NSD2: variants seen among roughly 807,000 people sequenced by gnomAD.
NSD2 encodes histone-lysine N-methyltransferase NSD2.
NSD2 carries 12 observed loss-of-function variants against 139.0 expected under a neutral mutation model. The ratio of observed to expected loss-of-function variants is 0.09; its 90% CI spans 0.06 to 0.14. The LOEUF (loss-of-function observed/expected upper bound fraction) is 0.14, where lower values mean the gene tolerates loss of function less well. Ranked by LOEUF, NSD2 falls within the 10% of genes least tolerant of loss-of-function variation. The pLI, the probability that NSD2 is intolerant of heterozygous loss-of-function variation, is 1.00. For synonymous variants in NSD2, 669 were observed against 648.7 expected, an observed-to-expected ratio of 1.03 and a Z score of -0.48; for missense variants, 1,155 against 1,745.0, an observed-to-expected ratio of 0.66 and a Z score of 6.02.
chr4:1,933,535 G>A (rs1411294266), intron 6 of NSD2, among the ~76,000 whole-genome samples: 1 of 151,810 alleles, frequency 6.6e-6, no homozygotes, highest in Non-Finnish European at 1.5e-5. Context: ...GACTACAGGC[G>A]CCCGCCACCA....
At chr4:1,884,296 A>G (rs910884998) in intron 1 of NSD2, among the ~76,000 whole-genome samples, 8 of 152,026 alleles carry the variant, frequency 5.3e-5, no homozygotes, top group African/African-American at 1.7e-4. Flanking sequence ...GGATTTTGCC[A>G]TGTTGCCCAG....
intron 3 of NSD2, among the ~76,000 whole-genome samples, chr4:1,915,708 G>T (rs182523593): frequency 6.6e-6 from 1 of 152,218 alleles, no homozygotes; most frequent in East Asian, 1.9e-4. Flanking sequence ...TGCATTAGAG[G>T]GTCTGATTGG....
At position 1,973,993 on chromosome 4, in the gene NSD2, G is replaced by A. The variant is rs572852405; in HGVS notation, c.3373-870G>A. The stretch of plus-strand genomic sequence containing the variant: ...GAGTGGGTCAGTTCTAGGCCACATC[G>A]TGCTTGCATTTGTGATTCCCGTGGC... On this transcript the variant is annotated intron_variant, in intron 18 of 21. Transcript: ENST00000508803. The surrounding 1 kb of genome is among the most constrained non-coding windows in gnomAD (Gnocchi z 5.5). Among the ~76,000 whole-genome samples the A allele has an allele frequency of 4.6e-4, 70 of 152,194 alleles. No individual in the cohort carries two copies. The highest frequency in any genetic ancestry group is 1.6e-3 in the African/African-American group (67 of 41,524).
intron 1 of NSD2, among the ~76,000 whole-genome samples, chr4:1,872,171 C>T (rs1246470853): frequency 6.6e-6 from 1 of 152,046 alleles, no homozygotes; most frequent in Non-Finnish European, 1.5e-5. Flanking sequence ...AGCCGGGCCG[C>T]GGTCCGGCCC....
At chr4:1,925,686 A>G (rs1307819705) in intron 5 of NSD2, among the ~76,000 whole-genome samples, 1 of 151,732 alleles carries the variant, frequency 6.6e-6, no homozygotes, top group African/African-American at 2.4e-5. Flanking sequence ...GGCCTGAGCC[A>G]CTGCACCCAG....
At chr4:1,954,365 C>T (rs970669734) in intron 12 of NSD2, among the ~76,000 whole-genome samples, 3 of 151,894 alleles carry the variant, frequency 2.0e-5, no homozygotes, top group African/African-American at 4.8e-5. Context: ...CTGCTCTGAC[C>T]TCTTTTCTTT....
rs149921616 is a variant in NSD2, at chr4:1,897,493, GA to G, written c.-29-3123del. ...GTGGTAGTGAGACCCTGTCTCAAGG[GA>G]AAAAAAAAATTGTTTGGCAGGGTAC... On this transcript the variant is annotated intron_variant, in intron 1 of 21. Coordinates refer to ENST00000508803, the MANE Select transcript of NSD2 (RefSeq NM_001042424.3). 4.0e-5 allele frequency among the ~76,000 whole-genome samples: 6 copies of G among 149,632 alleles called. 1 individual carries two copies. The highest frequency in any genetic ancestry group is 1.3e-4 in the Admixed American group (2 of 14,998).
At chr4:1,917,720 A>G (rs1242601261) in intron 4 of NSD2, among the ~76,000 whole-genome samples, 5 of 152,030 alleles carry the variant, frequency 3.3e-5, no homozygotes, top group Admixed American at 3.3e-4. Context: ...TACAGGTGGG[A>G]ACCACCACGC....
At chr4:1,925,475 T>C (rs1720768360) in intron 5 of NSD2, among the ~76,000 whole-genome samples, 1 of 133,998 alleles carries the variant, frequency 7.5e-6, no homozygotes, top group African/African-American at 2.8e-5. Context: ...CTCGGCCCAC[T>C]GCAACCTCCT....
At chr4:1,888,990 C>A (rs1336413423) in intron 1 of NSD2, among the ~76,000 whole-genome samples, 1 of 150,486 alleles carries the variant, frequency 6.6e-6, no homozygotes, top group South Asian at 2.1e-4. Flanking sequence ...CTCCACCTCC[C>A]GGGTTCAAGT....
In NSD2 at chr4:1,972,854, AT is replaced by A. The variant is rs1164391430; in HGVS notation, c.3373-2000del. 2.6e-5 allele frequency among the ~76,000 whole-genome samples: 4 copies of A among 151,362 alleles called. 1 individual carries two copies. In the East Asian group the frequency reaches 7.7e-4, roughly 29 times the overall value. On this transcript the variant is annotated intron_variant, in intron 18 of 21. Transcript: ENST00000508803. This position sits in a 1 kb window ranked among gnomAD's most constrained non-coding sequence, Gnocchi z 4.0. ...GAAGCTATGGGAAAGTTTTTGACACATTTTTTTTTCTTTTTGGAGACGGAGT... is the reference window on the plus strand; with the variant it reads ...GAAGCTATGGGAAAGTTTTTGACACATTTTTTTTCTTTTTGGAGACGGAGT...
chr4:1,975,343 A>G lies in NSD2; in HGVS notation c.3564A>G (p.Lys1188=). The G allele has an allele frequency of 6.2e-7, 1 of 1,614,122 alleles. No homozygotes were observed. Among genetic ancestry groups the G allele is most frequent in the Middle Eastern group, 1.6e-4 (1 of 6,062 alleles). ...NYNLDCLGNE[K]TVCRCGASNC... is the part of the protein sequence containing the mutation. The stretch of plus-strand genomic sequence containing the variant: ...ACCTCGATTGTCTGGGCAATGAAAA[A>G]ACGGTCTGCCGGTGTGGAGCCTCCA... The change falls in exon 20 of 22, where the codon AAA becomes AAG. Residue 1188 remains lysine, a synonymous_variant. Coordinates refer to ENST00000508803, the MANE Select transcript of NSD2 (RefSeq NM_001042424.3).
intron 3 of NSD2, among the ~76,000 whole-genome samples, chr4:1,913,599 CCT>C (rs371694770): frequency 4.7e-5 from 7 of 150,034 alleles, no homozygotes; most frequent in African/African-American, 9.8e-5. Flanking sequence ...TAAGCTGTCC[CCT>C]CTCTCTCTCT....
chr4:1,955,411 A>C lies in NSD2; in HGVS notation c.2518+71A>C. ...AGGAGCCACATATCAAGGCAGGCTCATTCCTTGTCTGCGCTGTGTTCATTG... is the reference window on the plus strand; with the variant it reads ...AGGAGCCACATATCAAGGCAGGCTCCTTCCTTGTCTGCGCTGTGTTCATTG... On this transcript the variant is annotated intron_variant, in intron 13 of 21. Coordinates refer to ENST00000508803, the MANE Select transcript of NSD2 (RefSeq NM_001042424.3). This position sits in a 1 kb window ranked among gnomAD's most constrained non-coding sequence, Gnocchi z 4.7. 1,050 of 1,514,888 alleles carry C rather than the reference A, an allele frequency of 6.9e-4. No homozygotes were observed. The highest frequency in any genetic ancestry group is 8.6e-4 in the Non-Finnish European group (971 of 1,124,554). The allele number at this position is 1,514,888 out of a possible 1,614,324, so 93.8% of individuals were successfully genotyped here.
intron 1 of NSD2, among the ~76,000 whole-genome samples, chr4:1,878,017 ACT>A (rs1431064402): frequency 2.0e-5 from 3 of 151,524 alleles, no homozygotes; most frequent in African/African-American, 4.9e-5. Context: ...TGGCAGTAAG[ACT>A]CTGTCCCAAA....
intron 1 of NSD2, among the ~76,000 whole-genome samples, chr4:1,877,856 C>G (rs891664179): frequency 6.6e-6 from 1 of 152,024 alleles, no homozygotes; most frequent in Non-Finnish European, 1.5e-5. Flanking sequence ...CCTTCTCTGA[C>G]CACTGATTTA....
At chr4:1,975,630 C>A (rs765286171) in intron 20 of NSD2, 2 of 511,882 alleles carry the variant, frequency 3.9e-6, no homozygotes, top group Admixed American at 3.3e-5. Context: ...GCCTCACAGA[C>A]GCGTGGTTTC....
Position 1,901,002 on chromosome 4 carries a change from T to C in NSD2, c.348T>C (p.Pro116=). The part of the protein sequence containing the change: ...KGIGTPPNTT[P]IKNGSPEIKL... ...TTGGGACACCCCCTAACACTACCCCTATCAAAAATGGCTCTCCAGAAATTA... is the reference window on the plus strand; with the variant it reads ...TTGGGACACCCCCTAACACTACCCCCATCAAAAATGGCTCTCCAGAAATTA... The change falls in exon 2 of 22, where the codon CCT becomes CCC. Residue 116 remains proline (P), a synonymous_variant. Coordinates refer to ENST00000508803, the MANE Select transcript of NSD2 (RefSeq NM_001042424.3). 6.2e-7 allele frequency: 1 copy of C among 1,614,160 alleles called. No homozygotes were observed. The highest frequency in any genetic ancestry group is 2.2e-5 in the East Asian group (1 of 44,880).
intron 1 of NSD2, among the ~76,000 whole-genome samples, chr4:1,872,637 C>CGAGAGCGCGAGA (rs1375337847): frequency 8.7e-4 from 71 of 81,846 alleles, no homozygotes; most frequent in African/African-American, 3.0e-3. Context: ...AGAGAGAGAG[C>CGAGAGCGCGAGA]GCGCAGACCC....
Sources: allele counts gnomAD v4.1 joint callset (sites outside exome capture counted in the v4.1 genomes callset), GRCh38; gene constraint gnomAD v4.1.1; non-coding constraint Gnocchi (gnomAD v3.1); transcripts MANE v1.5; gene names NCBI Gene and HGNC (gene_info 2026-07-23, HGNC 2026-07-21).